Variants in SNED1 observed in about 807,000 individuals in gnomAD.
The protein encoded by SNED1 is sushi, nidogen and EGF like domains 1, also known as sushi, nidogen and EGF-like domain-containing protein 1.
In SNED1, 81 loss-of-function variants were observed where a neutral mutation model predicts 166.7. That is an observed-to-expected ratio of 0.49 (90% CI 0.41 to 0.58). SNED1 has a LOEUF of 0.58. SNED1 is among the 20% of genes least tolerant of loss of function. SNED1 has a pLI of 0.00. For synonymous variants in SNED1, 762 were observed against 822.0 expected (o/e 0.93, Z 1.25); for missense variants, 1,604 against 2,000.2 (o/e 0.80, Z 3.78).
At chr2:241,055,393 T>C (rs551689762) in intron 16 of SNED1, among the ~76,000 whole-genome samples, 1 of 152,320 alleles carries the variant, frequency 6.6e-6, no homozygotes, top group South Asian at 2.1e-4. Context: ...AATCAGGTCA[T>C]GTACAAAGGA....
intron 21 of SNED1, 76 bp from the exon 22 acceptor site, chr2:241,067,688 G>C: frequency 7.7e-7 from 1 of 1,304,312 alleles, no homozygotes; most frequent in Non-Finnish European, 1.1e-6. Flanking sequence ...TCCCAAGCCT[G>C]GTTTCATCTT....
At chr2:240,998,247 G>A (rs575156421), upstream of SNED1, among the ~76,000 whole-genome samples, 6 of 152,398 alleles carry the variant, frequency 3.9e-5, no homozygotes, top group South Asian at 8.3e-4. Context: ...GGGCTGGGAA[G>A]GGGGCAGCAC....
rs2062529365 is a variant in SNED1, at chr2:241,067,896, T to C, written c.3143T>C (p.Leu1048Pro). 2 of 1,613,266 alleles carry C rather than the reference T, an allele frequency of 1.2e-6. No individual in the cohort carries two copies. The highest frequency in any genetic ancestry group is 2.2e-5 in the East Asian group (1 of 44,874). The change falls in exon 22 of 32, where the codon CTC becomes CCC. Residue 1048 changes from leucine to proline, a missense_variant. By Grantham distance (98) the Leu-to-Pro change is moderately conservative (BLOSUM62 -3). This residue lies in a region of SNED1 where 1,237 missense variants were observed against 1,620.8 expected (regional missense o/e 0.76). Transcript: ENST00000310397. Reference sequence around the variant, plus strand: ...GTGTCCATCCGCCACCCTGAGGCCCTCAGGGACCAGGCCACCGATGTGGAC... The same window carrying C: ...GTGTCCATCCGCCACCCTGAGGCCCCCAGGGACCAGGCCACCGATGTGGAC... ...VRVSIRHPEA[L>P]RDQATDVDRS... is the part of the protein sequence containing the mutation.
At position 241,030,490 on chromosome 2, in the gene SNED1, G is replaced by A; in HGVS notation, c.420G>A (p.Glu140=). Residue 140 remains glutamate, a synonymous_variant, in exon 2 of 32, where the codon GAG becomes GAA. Transcript: ENST00000310397. ...AGGACGTCAGGCACTACTTCCCCGA[G>A]CTCCTGGACTTCAATGCCACCTGGG... ...ATEDVRHYFP[E]LLDFNATWVF... 6.2e-7 allele frequency: 1 copy of A among 1,613,954 alleles called. No individual in the cohort carries two copies. The highest frequency in any genetic ancestry group is 8.5e-7 in the Non-Finnish European group (1 of 1,179,894).
intron 21 of SNED1, 126 bp from the exon 22 acceptor site, chr2:241,067,638 G>C: frequency 1.4e-6 from 1 of 718,186 alleles, no homozygotes; most frequent in Non-Finnish European, 2.3e-6. Context: ...GCAGTTGATG[G>C]GACACCCTCT....
At chr2:241,031,016 G>A (rs567544493) in intron 2 of SNED1, among the ~76,000 whole-genome samples, 40 of 152,300 alleles carry the variant, frequency 2.6e-4, no homozygotes, top group Middle Eastern at 3.4e-3. Context: ...TGCCCACTCC[G>A]GTGGCAGATG....
chr2:241,047,288 G>A (rs1249972710), intron 8 of SNED1, among the ~76,000 whole-genome samples: 1 of 152,052 alleles, frequency 6.6e-6, no homozygotes, highest in Non-Finnish European at 1.5e-5. Flanking sequence ...AACGATAGAG[G>A]GGTCAATTCA....
At chr2:241,077,390 A>G (rs975943895) in intron 27 of SNED1, among the ~76,000 whole-genome samples, 1 of 152,208 alleles carries the variant, frequency 6.6e-6, no homozygotes, top group Non-Finnish European at 1.5e-5. Flanking sequence ...CAATAAAAGT[A>G]TGAGCAACAA....
Position 240,999,041 on chromosome 2 carries a change from C to T in SNED1, c.204C>T (p.Ser68=), listed in dbSNP as rs1383578864. Residue 68 remains serine, a synonymous_variant, in exon 1 of 32, where the codon TCC becomes TCT. Transcript: ENST00000310397. The surrounding 1 kb of genome is among the most constrained non-coding windows in gnomAD (Gnocchi z 5.8). The part of the protein sequence containing the change: ...VPFPFFGAEH[S]GLYVNNNGII... ...TCCCGTTCTTCGGTGCCGAGCACTC[C>T]GGACTCTACGTGAGTAACCCCCGGG... 2 of 1,317,066 alleles carry T rather than the reference C, an allele frequency of 1.5e-6. No individual in the cohort carries two copies. The highest frequency in any genetic ancestry group is 3.5e-5 in the Admixed American group (1 of 28,768). The allele number at this position is 1,317,066 out of a possible 1,614,324, so 81.6% of individuals were successfully genotyped here.
rs2063366693 is a variant in SNED1, at chr2:241,082,316, C to T, written c.4073C>T (p.Ser1358Phe). The T allele has an allele frequency of 6.2e-7, 1 of 1,613,684 alleles. No homozygotes were observed. The highest frequency in any genetic ancestry group is 1.7e-5 in the Admixed American group (1 of 60,030). Reference protein sequence around the residue: ...KVSRPCTRLFSETKAFPVWEG... With the variant: ...KVSRPCTRLFFETKAFPVWEG... ...TCCCGCCCCTGCACAAGGCTGTTCT[C>T]CGAGACAAAGGCCTTTCCAGTCTGG... The change falls in exon 29 of 32, where the codon TCC becomes TTC. Residue 1358 changes from serine (S) to phenylalanine (F), a missense_variant. By Grantham distance (155) the Ser-to-Phe change is radical (BLOSUM62 -2). Transcript: ENST00000310397.
At chr2:241,046,428 A>G (rs1032970668) in intron 8 of SNED1, among the ~76,000 whole-genome samples, 4 of 152,246 alleles carry the variant, frequency 2.6e-5, no homozygotes, top group African/African-American at 9.6e-5. Context: ...GAATGGATAG[A>G]CAAATTGTGG....
rs1307034569 is a variant in SNED1 at position 241,013,157 on chromosome 2, T to C, written c.213+14107T>C. ...CCACGAGCAGTACTGTTAACTACGG[T>C]TGCCATGCATTACATGGAGACCCCA... On this transcript the variant is annotated intron_variant, in intron 1 of 31. Transcript: ENST00000310397. The surrounding 1 kb of genome is among the most constrained non-coding windows in gnomAD (Gnocchi z 4.6). 6.6e-6 allele frequency among the ~76,000 whole-genome samples: 1 copy of C among 152,068 alleles called. No individual in the cohort carries two copies. The highest frequency in any genetic ancestry group is 1.5e-5 in the Non-Finnish European group (1 of 68,012).
Position 241,067,961 on chromosome 2 carries a change from C to T in SNED1, c.3194+14C>T, listed in dbSNP as rs1321809130. ...GTTCACCTTTAGGTAAGAAGGGACACCCAGAGCATGGGGCTGGGGTGAAGG... is the reference window on the plus strand; with the variant it reads ...GTTCACCTTTAGGTAAGAAGGGACATCCAGAGCATGGGGCTGGGGTGAAGG... On this transcript the variant is annotated intron_variant, in intron 22 of 31. Coordinates refer to ENST00000310397, the MANE Select transcript of SNED1 (RefSeq NM_001080437.3). The T allele has an allele frequency of 1.9e-6, 3 of 1,600,110 alleles. No homozygotes were observed. The South Asian group carries it at 3.3e-5, about 18-fold the overall frequency.
chr2:241,083,604 G>A (rs1218413821), intron 29 of SNED1, among the ~76,000 whole-genome samples: 7 of 152,116 alleles, frequency 4.6e-5, no homozygotes, highest in African/African-American at 7.2e-5. Flanking sequence ...CACTGAATTC[G>A]GATTCTATGC....
In SNED1 at chr2:240,998,769, C is replaced by G; in HGVS notation, c.-69C>G. 1.3e-6 allele frequency: 1 copy of G among 779,110 alleles called. No homozygotes were observed. The allele number at this position is 779,110 out of a possible 1,614,324, so 48.3% of individuals were successfully genotyped here. A position where few individuals can be genotyped will look rare whatever the true frequency, so the allele number is the denominator to read the frequency against. ...CACCCCGCCTGGCCCTGCCGGCCAC[C>G]CCCGCGCGCAGCCTAGTCCCCCAGC... On this transcript the variant is annotated 5_prime_UTR_variant, in exon 1 of 32. Coordinates refer to ENST00000310397, the MANE Select transcript of SNED1 (RefSeq NM_001080437.3).
intron 2 of SNED1, 105 bp downstream of exon 2, chr2:241,030,676 G>C: frequency 8.3e-7 from 1 of 1,201,270 alleles, no homozygotes; most frequent in South Asian, 1.5e-5. Flanking sequence ...TGCAGTCACT[G>C]GTCCATACCC....
In SNED1 at chr2:241,030,435, C is replaced by T. The variant is rs752528765; in HGVS notation, c.365C>T (p.Thr122Ile). 6 of 1,613,478 alleles carry T rather than the reference C, an allele frequency of 3.7e-6. No homozygotes were observed. In the South Asian group the frequency reaches 6.6e-5, roughly 18 times the overall value. The part of the protein sequence containing the change: ...RAGDVYYREA[T>I]DPAMLRRATE... ...GGCGACGTGTACTACCGGGAGGCCA[C>T]CGACCCAGCCATGCTGCGCCGAGCC... Residue 122 changes from threonine (T) to isoleucine (I), a missense_variant, in exon 2 of 32, where the codon ACC (threonine) becomes ATC (isoleucine). Thr to Ile is a moderately conservative substitution (Grantham distance 89). This residue lies in a region of SNED1 where 1,237 missense variants were observed against 1,620.8 expected (regional missense o/e 0.76). Transcript: ENST00000310397.
rs1484285370 is a variant in SNED1 at position 240,999,212 on chromosome 2, G to C, written c.213+162G>C. 1.3e-4 allele frequency among the ~76,000 whole-genome samples: 20 copies of C among 149,906 alleles called. No homozygotes were observed. The East Asian group carries it at 2.6e-3, about 19-fold the overall frequency. On this transcript the variant is annotated intron_variant, in intron 1 of 31. Transcript: ENST00000310397. This position sits in a 1 kb window ranked among gnomAD's most constrained non-coding sequence, Gnocchi z 5.8. ...GCTTCCTCCTCGGCGGCCAAGGCCG[G>C]ACAGCGGCCCGCGGGAGAGGCGCGC...
At chr2:241,089,914 T>A in intron 31 of SNED1, 4 of 1,528,992 alleles carry the variant, frequency 2.6e-6, no homozygotes. Context: ...CAGTGCCAAG[T>A]GTGTGTGTAT....
Sources: gnomAD v4.1 joint callset for allele counts (sites outside exome capture counted in the v4.1 genomes callset) on GRCh38, gnomAD v4.1.1 for gene constraint, gnomAD v4.1.1 regional missense constraint, Gnocchi (gnomAD v3.1) non-coding constraint, MANE v1.5 for transcripts, NCBI Gene and HGNC (gene_info 2026-07-23, HGNC 2026-07-21) for gene names.